Variants in YEATS4 observed in about 807,000 individuals in gnomAD.
YEATS4 encodes the protein YEATS domain-containing protein 4.
Under a neutral mutation model 30.1 loss-of-function variants are expected in YEATS4, and 17 were observed. The ratio of observed to expected loss-of-function variants is 0.56; its 90% CI spans 0.39 to 0.85. The LOEUF is 0.85. Ranked by LOEUF, YEATS4 falls within the 40% of genes least tolerant of loss-of-function variation. YEATS4 has a pLI of 0.00. For missense variants in YEATS4, 142 were observed against 268.3 expected, an observed-to-expected ratio of 0.53 and a Z score of 3.29; for synonymous variants, 85 against 87.5, an observed-to-expected ratio of 0.97 and a Z score of 0.16.
intron 1 of YEATS4, among the ~76,000 whole-genome samples, chr12:69,361,625 C>G (rs555369693): frequency 8.6e-6 from 1 of 116,888 alleles, no homozygotes; most frequent in South Asian, 2.5e-4. Flanking sequence ...TGGTTACATT[C>G]ACTCAGCACT....
chr12:69,419,378 A>G, the YEATS4 span, among the ~76,000 whole-genome samples: 1 of 151,702 alleles, frequency 6.6e-6, no homozygotes, highest in Non-Finnish European at 1.5e-5. Flanking sequence ...GCCCCACCAC[A>G]GCTGGCTAAT....
chr12:69,394,730 C>T (rs987251688), downstream of YEATS4, among the ~76,000 whole-genome samples: 3 of 152,052 alleles, frequency 2.0e-5, no homozygotes, highest in African/African-American at 4.8e-5. Context: ...AACTCAAGCT[C>T]CTCAAACTAT....
Position 69,365,712 on chromosome 12 carries a change from C to T in YEATS4, c.238+13C>T. 6.2e-7 allele frequency: 1 copy of T among 1,607,386 alleles called. No homozygotes were observed. The highest frequency in any genetic ancestry group is 1.1e-5 in the South Asian group (1 of 89,630). The stretch of plus-strand genomic sequence containing the variant: ...AATCCTTTAAGAGGTACAATATAGT[C>T]TTTTGATTCACAATATCCAAAGTTA... On this transcript the variant is annotated intron_variant, in intron 3 of 6. Coordinates refer to ENST00000247843, the MANE Select transcript of YEATS4 (RefSeq NM_006530.4).
chr12:69,403,220 A>G, the YEATS4 span, among the ~76,000 whole-genome samples: 1 of 152,084 alleles, frequency 6.6e-6, no homozygotes, highest in Non-Finnish European at 1.5e-5. Flanking sequence ...TCAAAGTAAA[A>G]ACCTGAGATT....
chr12:69,372,993 C>T (rs1342357160), intron 6 of YEATS4, among the ~76,000 whole-genome samples: 1 of 152,058 alleles, frequency 6.6e-6, no homozygotes, highest in Non-Finnish European at 1.5e-5. Flanking sequence ...CTGAATAGTA[C>T]TCTCTTGTGT....
chr12:69,396,328 A>C, the YEATS4 span, among the ~76,000 whole-genome samples: 1 of 152,240 alleles, frequency 6.6e-6, no homozygotes, highest in Admixed American at 6.5e-5. Context: ...GCCATGAAGA[A>C]ATTAAATGAC....
intron 6 of YEATS4, among the ~76,000 whole-genome samples, chr12:69,374,409 TA>T (rs1565678151): frequency 6.6e-6 from 1 of 152,206 alleles, no homozygotes. Flanking sequence ...TCTTTTTTTT[TA>T]TTTAATTTTT....
At chr12:69,420,152 C>T in the YEATS4 span, among the ~76,000 whole-genome samples, 1 of 152,180 alleles carries the variant, frequency 6.6e-6, no homozygotes, top group Non-Finnish European at 1.5e-5. Context: ...ATTTTCATGG[C>T]CCATTCCCTC....
chr12:69,381,131 A>G (rs1376879682), intron 6 of YEATS4, among the ~76,000 whole-genome samples: 1 of 152,174 alleles, frequency 6.6e-6, no homozygotes, highest in Admixed American at 6.5e-5. Context: ...TAGTCCTAAT[A>G]AGCCTGGGAG....
chr12:69,368,688 T>G (rs1200315080), intron 4 of YEATS4, among the ~76,000 whole-genome samples: 1 of 152,196 alleles, frequency 6.6e-6, no homozygotes, highest in Non-Finnish European at 1.5e-5. Flanking sequence ...GTTGGCCATG[T>G]TTTTTCCAAA....
the YEATS4 span, among the ~76,000 whole-genome samples, chr12:69,402,014 G>GATTTGTATTCCCATT: frequency 6.6e-6 from 1 of 152,186 alleles, no homozygotes; most frequent in Non-Finnish European, 1.5e-5. Flanking sequence ...CAGACGGTAA[G>GATTTGTATTCCCATT]CTTTTTGGTG....
chr12:69,403,711 G>A, the YEATS4 span, among the ~76,000 whole-genome samples: 2 of 152,082 alleles, frequency 1.3e-5, no homozygotes, highest in Admixed American at 6.6e-5. Context: ...CAAAGGAATT[G>A]CATCATGAGG....
At chr12:69,364,081 C>T in intron 2 of YEATS4, 1 of 388,406 alleles carries the variant, frequency 2.6e-6, no homozygotes, top group Non-Finnish European at 5.1e-6. Context: ...GAGGTAAGTG[C>T]TAATGGATAT....
chr12:69,362,561 G>T (rs957621936), intron 1 of YEATS4, among the ~76,000 whole-genome samples: 1 of 152,102 alleles, frequency 6.6e-6, no homozygotes, highest in African/African-American at 2.4e-5. Context: ...GCTTTACATG[G>T]TAATTTAAAT....
the YEATS4 span, among the ~76,000 whole-genome samples, chr12:69,417,270 G>A: frequency 2.3e-4 from 33 of 145,634 alleles, no homozygotes; most frequent in Admixed American, 1.2e-3. Context: ...TGATCCTCCT[G>A]CCTCAGCCTC....
the YEATS4 span, chr12:69,401,305 A>C: frequency 6.6e-6 from 1 of 152,240 alleles, no homozygotes; most frequent in African/African-American, 2.4e-5. Context: ...ATAGTGAAAA[A>C]ATAGATATAA....
At chr12:69,391,655 G>A (rs560481270), downstream of YEATS4, among the ~76,000 whole-genome samples, 1 of 152,226 alleles carries the variant, frequency 6.6e-6, no homozygotes, top group South Asian at 2.1e-4. Flanking sequence ...AGCCCTCTGG[G>A]GCTTGATGGT....
chr12:69,405,140 T>G, the YEATS4 span, among the ~76,000 whole-genome samples: 94 of 152,316 alleles, frequency 6.2e-4, no homozygotes, highest in African/African-American at 2.1e-3. Context: ...ATACAAATAG[T>G]TTTGCCTCTA....
chr12:69,362,725 C>T (rs1592846630), intron 1 of YEATS4, 63 bp from the exon 2 acceptor site: 3 of 1,311,726 alleles, frequency 2.3e-6, no homozygotes, highest in Non-Finnish European at 3.1e-6. Flanking sequence ...TTTCAGAGCT[C>T]TTATTCTGCA....
Sources: gnomAD v4.1 joint callset for allele counts (sites outside exome capture counted in the v4.1 genomes callset) on GRCh38, gnomAD v4.1.1 for gene constraint, MANE v1.5 for transcripts, NCBI Gene and HGNC (gene_info 2026-07-23, HGNC 2026-07-21) for gene names.